NEK1: variants seen among roughly 807,000 people sequenced by gnomAD.
NEK1 encodes the protein serine/threonine-protein kinase Nek1.
A neutral mutation model predicts 182.1 loss-of-function variants in NEK1; 137 were observed. That is an observed-to-expected ratio of 0.75 (90% CI 0.65 to 0.87). The LOEUF (loss-of-function observed/expected upper bound fraction) is 0.87. Among genes scored for constraint, NEK1 ranks in the 40% least tolerant of loss-of-function variants. The pLI is 0.00. For synonymous variants in NEK1, 513 were observed against 492.2 expected, an observed-to-expected ratio of 1.04 and a Z score of -0.56; for missense variants, 1,391 against 1,494.4, an observed-to-expected ratio of 0.93 and a Z score of 1.14.
intron 2 of NEK1, among the ~76,000 whole-genome samples, chr4:169,608,913 T>C (rs1042714818): frequency 6.6e-6 from 1 of 151,742 alleles, no homozygotes; most frequent in Non-Finnish European, 1.5e-5. Context: ...TACAAAAAAT[T>C]AGCTGGGTGT....
At chr4:169,581,615 AG>A (rs944006832) in intron 10 of NEK1, among the ~76,000 whole-genome samples, 97 of 152,064 alleles carry the variant, frequency 6.4e-4, no homozygotes, top group Non-Finnish European at 1.1e-3. Flanking sequence ...CTCCAGATAG[AG>A]GCTTTCTTCT....
intron 12 of NEK1, among the ~76,000 whole-genome samples, chr4:169,568,934 T>C (rs772453287): frequency 7.5e-6 from 1 of 133,096 alleles, no homozygotes; most frequent in Non-Finnish European, 1.5e-5. Context: ...CAAAACTCCA[T>C]TTCAAAAAAA....
At chr4:169,493,094 C>T (rs965395451) in intron 23 of NEK1, among the ~76,000 whole-genome samples, 2 of 152,132 alleles carry the variant, frequency 1.3e-5, no homozygotes, top group Non-Finnish European at 2.9e-5. Context: ...TCTTCGGCAC[C>T]ATCTACTGGA....
At chr4:169,450,414 A>G (rs1333640524) in intron 27 of NEK1, among the ~76,000 whole-genome samples, 1 of 152,186 alleles carries the variant, frequency 6.6e-6, no homozygotes, top group African/African-American at 2.4e-5. Flanking sequence ...AAAAAGTATT[A>G]AGGGCAGCCA....
chr4:169,416,598 C>T (rs1734579671), intron 31 of NEK1, among the ~76,000 whole-genome samples: 1 of 152,112 alleles, frequency 6.6e-6, no homozygotes, highest in African/African-American at 2.4e-5. Context: ...CAGAGGTACT[C>T]AAAGATTAAG....
chr4:169,436,954 T>C (rs1738526461), intron 28 of NEK1, among the ~76,000 whole-genome samples: 2 of 152,228 alleles, frequency 1.3e-5, no homozygotes, highest in African/African-American at 4.8e-5. Flanking sequence ...AATATTCACA[T>C]AAACCCACAA....
intron 29 of NEK1, among the ~76,000 whole-genome samples, chr4:169,429,310 T>A (rs1736994506): frequency 6.6e-6 from 1 of 152,218 alleles, no homozygotes; most frequent in African/African-American, 2.4e-5. Context: ...CTGGAATGAA[T>A]ATTCCTGCAT....
Position 169,394,405 on chromosome 4 carries a change from AT to A in NEK1, c.*104del. On this transcript the variant is annotated 3_prime_UTR_variant, in exon 36 of 36. Coordinates refer to ENST00000507142, the MANE Select transcript of NEK1 (RefSeq NM_001199397.3). Reference sequence around the variant, plus strand: ...AATAAGAAAGTCCATCTTAAATCTGATTTTTTAAATAAATAATTGCTGTATT... The same window carrying A: ...AATAAGAAAGTCCATCTTAAATCTGATTTTTAAATAAATAATTGCTGTATT... The A allele has an allele frequency of 2.8e-6, 2 of 711,546 alleles. No individual in the cohort carries two copies. Among genetic ancestry groups the A allele is most frequent in the Non-Finnish European group, 4.7e-6 (2 of 426,880 alleles). 44.1% of individuals were successfully genotyped at this position (711,546 alleles called of 1,614,324 possible).
chr4:169,477,612 T>C (rs1287022016), intron 24 of NEK1, 115 bp from the exon 25 acceptor site: 8 of 722,664 alleles, frequency 1.1e-5, no homozygotes, highest in Non-Finnish European at 1.1e-5. Flanking sequence ...CTTGTAAATT[T>C]TTTATTCCTA....
At position 169,463,376 on chromosome 4, in the gene NEK1, A is replaced by C; in HGVS notation, c.2454T>G (p.Val818=). Residue 818 remains valine (V), a synonymous_variant, in exon 27 of 36, where the codon GTT becomes GTG. Coordinates refer to ENST00000507142, the MANE Select transcript of NEK1 (RefSeq NM_001199397.3). ...GAGATCCATTAGGACCTAATTTAAT[A>C]ACTTCTCCCACTGTATGTCCTATAA... ...STTERHTVGE[V]IKLGPNGSPR... is the part of the protein sequence containing the mutation. 1 of 1,607,078 alleles carries C rather than the reference A, an allele frequency of 6.2e-7. No homozygotes were observed. The highest frequency in any genetic ancestry group is 8.5e-7 in the Non-Finnish European group (1 of 1,175,674).
intron 19 of NEK1, among the ~76,000 whole-genome samples, chr4:169,532,437 A>T (rs991867003): frequency 3.3e-5 from 5 of 152,178 alleles, no homozygotes; most frequent in Non-Finnish European, 5.9e-5. Context: ...GAATGTTAGC[A>T]CCAAGAGTGA....
At chr4:169,434,133 G>T (rs940639740) in intron 28 of NEK1, among the ~76,000 whole-genome samples, 1 of 150,346 alleles carries the variant, frequency 6.7e-6, no homozygotes, top group African/African-American at 2.4e-5. Context: ...CTATTACCAG[G>T]ACTTTCACAA....
At position 169,513,826 on chromosome 4, in the gene NEK1, T is replaced by C. The variant is rs140107195; in HGVS notation, c.1666-4974A>G. Among the ~76,000 whole-genome samples the C allele has an allele frequency of 5.6e-3, 854 of 152,256 alleles. 8 individuals carry two copies. Among genetic ancestry groups the C allele is most frequent in the African/African-American group, 0.02 (812 of 41,544 alleles). ...AGATTTTCTGTATCAATTGATGTAA[T>C]CATATGAATTTCCTTCTTTAGCCTG... On this transcript the variant is annotated intron_variant, in intron 19 of 35. Coordinates refer to ENST00000507142, the MANE Select transcript of NEK1 (RefSeq NM_001199397.3).
In NEK1 at chr4:169,438,019, A is replaced by C. The variant is rs376039392; in HGVS notation, c.2764+64T>G. ...TACAAATTTTGATAATCTGTTTATA[A>C]AGCTTGTGAAATTTAAGTTTTTACT... On this transcript the variant is annotated intron_variant, in intron 28 of 35. Coordinates refer to ENST00000507142, the MANE Select transcript of NEK1 (RefSeq NM_001199397.3). The C allele has an allele frequency of 5.6e-6, 7 of 1,240,102 alleles. No homozygotes were observed. The African/African-American group carries it at 1.1e-4, about 19-fold the overall frequency. 76.8% of individuals were successfully genotyped at this position (1,240,102 alleles called of 1,614,324 possible).
chr4:169,476,241 G>T (rs1176051379), intron 26 of NEK1, among the ~76,000 whole-genome samples: 1 of 151,842 alleles, frequency 6.6e-6, no homozygotes, highest in African/African-American at 2.4e-5. Flanking sequence ...TTGAGGGAGG[G>T]AGGTGACTGG....
At chr4:169,490,311 C>T (rs1749825257) in intron 23 of NEK1, among the ~76,000 whole-genome samples, 1 of 152,166 alleles carries the variant, frequency 6.6e-6, no homozygotes, top group South Asian at 2.1e-4. Context: ...AACTGACCCC[C>T]TAGCAATCAT....
At chr4:169,409,614 C>G (rs546285216) in intron 31 of NEK1, among the ~76,000 whole-genome samples, 3 of 152,022 alleles carry the variant, frequency 2.0e-5, no homozygotes, top group African/African-American at 7.2e-5. Flanking sequence ...ATTAAAAACA[C>G]AAAAATCTGC....
At chr4:169,577,525 TG>T (rs976321004) in intron 11 of NEK1, among the ~76,000 whole-genome samples, 35 of 152,146 alleles carry the variant, frequency 2.3e-4, no homozygotes, top group African/African-American at 8.4e-4. Context: ...CCCAGCACTT[TG>T]GGAGGCCGAG....
chr4:169,599,311 A>C, intron 4 of NEK1, 114 bp from the exon 5 acceptor site: 1 of 680,848 alleles, frequency 1.5e-6, no homozygotes, highest in Non-Finnish European at 2.4e-6. Flanking sequence ...AAACAGGACC[A>C]TACTCAAAAG....
Sources: allele counts gnomAD v4.1 joint callset (sites outside exome capture counted in the v4.1 genomes callset), GRCh38; gene constraint gnomAD v4.1.1; transcripts MANE v1.5; gene names NCBI Gene and HGNC (gene_info 2026-07-23, HGNC 2026-07-21).